ANK3: variants seen among roughly 807,000 people sequenced by gnomAD.
ANK3 encodes the protein ankyrin-3.
Under a neutral mutation model 370.9 loss-of-function variants are expected in ANK3, and 57 were observed. That is an observed-to-expected ratio of 0.15 (90% confidence interval 0.12 to 0.19). ANK3 has a LOEUF of 0.19. Among genes scored for constraint, ANK3 ranks in the 10% least tolerant of loss-of-function variants. The probability of loss-of-function intolerance (pLI) is 1.00; values close to 1 mark genes in which losing one functional copy is unlikely to be tolerated. For synonymous variants in ANK3, 1,929 were observed against 1,946.3 expected, an observed-to-expected ratio of 0.99 and a Z score of 0.23; for missense variants, 4,439 against 5,302.1, an observed-to-expected ratio of 0.84 and a Z score of 5.06.
chr10:60,588,864 C>T (rs901756394), intron 2 of ANK3, among the ~76,000 whole-genome samples: 1 of 152,050 alleles, frequency 6.6e-6, no homozygotes, highest in South Asian at 2.1e-4. Flanking sequence ...GAGCCATGTT[C>T]GCGCCACTGG....
chr10:60,086,502 ATGATCCTTGGG>A, intron 30 of ANK3, 164 bp downstream of exon 30: 1 of 532,680 alleles, frequency 1.9e-6, no homozygotes, highest in South Asian at 3.9e-5. Context: ...TTCCCAAGAA[ATGATCCTTGGG>A]AAACCAGAGA....
Position 60,088,367 on chromosome 10 carries a change from A to G in ANK3, c.3329-9T>C, listed in dbSNP as rs1422407068. The stretch of plus-strand genomic sequence containing the variant: ...TTCTGGGCTATCAAGTTCTGAAAAG[A>G]CAAATGAAAGAAAATGCCATGAGAA... On this transcript the variant is annotated splice_polypyrimidine_tract_variant and intron_variant, in intron 28 of 43. Coordinates refer to ENST00000280772, the MANE Select transcript of ANK3 (RefSeq NM_020987.5). 1 of 1,611,414 alleles carries G rather than the reference A, an allele frequency of 6.2e-7. No individual in the cohort carries two copies. Among genetic ancestry groups the G allele is most frequent in the African/African-American group, 1.3e-5 (1 of 74,930 alleles).
chr10:60,095,017 A>G (rs911630124), intron 28 of ANK3, among the ~76,000 whole-genome samples: 11 of 152,234 alleles, frequency 7.2e-5, no homozygotes, highest in African/African-American at 2.7e-4. Context: ...AGAGGCCCCA[A>G]GGGGGAAGGA....
At chr10:60,710,312 G>A (rs762113328) in intron 1 of ANK3, among the ~76,000 whole-genome samples, 1 of 152,270 alleles carries the variant, frequency 6.6e-6, no homozygotes, top group Non-Finnish European at 1.5e-5. Flanking sequence ...AGTTCAGTAT[G>A]TAATACAGGT....
chr10:60,441,167 A>G (rs1028022229), intron 2 of ANK3, among the ~76,000 whole-genome samples: 10 of 152,132 alleles, frequency 6.6e-5, no homozygotes, highest in East Asian at 1.9e-4. Flanking sequence ...GTGAGAGACT[A>G]TTTTCTTTAT....
chr10:60,546,459 C>G (rs908981730), intron 2 of ANK3, among the ~76,000 whole-genome samples: 2 of 152,122 alleles, frequency 1.3e-5, no homozygotes, highest in African/African-American at 4.8e-5. Context: ...CAGCTTATCA[C>G]TGAAATTAAA....
intron 16 of ANK3, among the ~76,000 whole-genome samples, chr10:60,191,413 C>A (rs2096478595): frequency 1.3e-5 from 2 of 151,560 alleles, no homozygotes; most frequent in East Asian, 1.9e-4. Context: ...AAAAAGAAGG[C>A]AAAGGACACG....
chr10:60,057,610 C>T (rs370503402), intron 41 of ANK3, among the ~76,000 whole-genome samples: 21 of 152,242 alleles, frequency 1.4e-4, no homozygotes, highest in Non-Finnish European at 1.9e-4. Context: ...CATTGCTTGC[C>T]GGCGTTCTCC....
chr10:60,365,140 T>G (rs1234303446), intron 1 of ANK3, among the ~76,000 whole-genome samples: 1 of 150,708 alleles, frequency 6.6e-6, no homozygotes, highest in Non-Finnish European at 1.5e-5. Flanking sequence ...GAAAATGAGA[T>G]GAGGGAAATG....
At chr10:60,065,752 C>A (rs1432820300) in intron 38 of ANK3, among the ~76,000 whole-genome samples, 1 of 152,152 alleles carries the variant, frequency 6.6e-6, no homozygotes, top group Admixed American at 6.5e-5. Flanking sequence ...AGCCTTAATA[C>A]ACTTAAACAC....
At chr10:60,371,952 A>G (rs192099992) in intron 1 of ANK3, among the ~76,000 whole-genome samples, 3 of 152,226 alleles carry the variant, frequency 2.0e-5, no homozygotes, top group Non-Finnish European at 4.4e-5. Context: ...TTGTTCCTTA[A>G]TCAATATTTA....
intron 1 of ANK3, among the ~76,000 whole-genome samples, chr10:60,687,496 G>A (rs2079284688): frequency 6.6e-6 from 1 of 151,436 alleles, no homozygotes; most frequent in South Asian, 2.1e-4. Context: ...AAACCACAAT[G>A]AGATACCGCC....
intron 1 of ANK3, among the ~76,000 whole-genome samples, chr10:60,670,572 G>A (rs190189252): frequency 2.0e-5 from 3 of 152,138 alleles, no homozygotes; most frequent in Admixed American, 1.3e-4. Flanking sequence ...TCCATAAGCC[G>A]TTTTCCACCA....
chr10:60,610,301 C>A (rs942389480), intron 2 of ANK3, among the ~76,000 whole-genome samples: 1 of 152,088 alleles, frequency 6.6e-6, no homozygotes, highest in Admixed American at 6.6e-5. Context: ...CACCTGGGGT[C>A]AGGAGTTCAA....
At chr10:60,366,522 G>T (rs927166547) in intron 1 of ANK3, among the ~76,000 whole-genome samples, 1 of 151,900 alleles carries the variant, frequency 6.6e-6, no homozygotes, top group Non-Finnish European at 1.5e-5. Context: ...CCATGGATAT[G>T]TGCCTGAAAT....
At chr10:60,502,023 T>G (rs1567097305) in intron 2 of ANK3, among the ~76,000 whole-genome samples, 1 of 151,914 alleles carries the variant, frequency 6.6e-6, no homozygotes, top group Admixed American at 6.6e-5. Context: ...TTTTAACATC[T>G]CCCCAAATGA....
chr10:60,076,503 A>G (rs199740384), intron 36 of ANK3, 55 bp from the exon 37 acceptor site: 47 of 1,512,758 alleles, frequency 3.1e-5, no homozygotes, highest in Admixed American at 2.3e-5. Flanking sequence ...AAAATGGTTG[A>G]GAAACAGAGA....
chr10:60,055,440 AT>A (rs1436883165), intron 42 of ANK3, among the ~76,000 whole-genome samples: 3 of 152,212 alleles, frequency 2.0e-5, no homozygotes, highest in Non-Finnish European at 2.9e-5. Context: ...GAATGAAGGT[AT>A]AACGAAATGG....
Position 60,074,989 on chromosome 10 carries a change from C to A in ANK3, c.5892G>T (p.Lys1964Asn). 1 of 1,613,988 alleles carries A rather than the reference C, an allele frequency of 6.2e-7. No individual in the cohort carries two copies. Among genetic ancestry groups the A allele is most frequent in the Non-Finnish European group, 8.5e-7 (1 of 1,179,972 alleles). ...ATCCTTTATTATCTACACATACATC[C>A]TTTTTAAGGATTTCACTAACTTTCA... ...DLVKVSEILK[K>N]DVCVDNKGSP... Residue 1964 changes from lysine (K) to asparagine (N), a missense_variant, in exon 37 of 44, where the codon AAG becomes AAT. Lys to Asn is a moderately conservative substitution (Grantham distance 94). This residue lies in a region of ANK3 where 679 missense variants were observed against 791.0 expected (regional missense o/e 0.86). Transcript: ENST00000280772.
Sources: gnomAD v4.1 joint callset for allele counts (sites outside exome capture counted in the v4.1 genomes callset) on GRCh38, gnomAD v4.1.1 for gene constraint, gnomAD v4.1.1 regional missense constraint, MANE v1.5 for transcripts, NCBI Gene and HGNC (gene_info 2026-07-23, HGNC 2026-07-21) for gene names.